Variants in VSNL1 observed in about 807,000 individuals in gnomAD.
The protein encoded by VSNL1 is visinin like 1.
VSNL1 carries 6 observed loss-of-function variants against 20.4 expected under a neutral mutation model. The observed-to-expected ratio is 0.29, with a 90% CI of 0.16 to 0.58. The LOEUF is 0.58. Among genes scored for constraint, VSNL1 ranks in the 20% least tolerant of loss-of-function variants. VSNL1 has a pLI of 0.90. For synonymous variants in VSNL1, 93 were observed against 86.4 expected, an observed-to-expected ratio of 1.08 and a Z score of -0.42; for missense variants, 100 against 234.5, an observed-to-expected ratio of 0.43 and a Z score of 3.75.
intron 1 of VSNL1, among the ~76,000 whole-genome samples, chr2:17,585,252 T>C (rs1664442916): frequency 6.6e-6 from 1 of 152,044 alleles, no homozygotes; most frequent in Non-Finnish European, 1.5e-5. Context: ...CATCATGAAA[T>C]GCCAGCTTGT....
intron 1 of VSNL1, among the ~76,000 whole-genome samples, chr2:17,565,469 G>T (rs952963558): frequency 2.6e-5 from 4 of 151,892 alleles, no homozygotes; most frequent in Non-Finnish European, 4.4e-5. Context: ...TACTTAATAT[G>T]TAGATCTATA....
chr2:17,622,496 T>C (rs1452028730), intron 2 of VSNL1, among the ~76,000 whole-genome samples: 1 of 63,092 alleles, frequency 1.6e-5, no homozygotes, highest in Non-Finnish European at 3.2e-5. Flanking sequence ...AGGCTACATC[T>C]CAAAAAAAAA....
intron 1 of VSNL1, among the ~76,000 whole-genome samples, chr2:17,564,690 A>G (rs1663896612): frequency 6.6e-6 from 1 of 152,230 alleles, no homozygotes; most frequent in South Asian, 2.1e-4. Context: ...GAAACTTTAT[A>G]AAATTATTTT....
intron 1 of VSNL1, among the ~76,000 whole-genome samples, chr2:17,548,091 C>A (rs1558277973): frequency 2.0e-5 from 3 of 152,252 alleles, no homozygotes; most frequent in South Asian, 2.1e-4. Context: ...TGGGAAGAGT[C>A]TCCTATGAGC....
chr2:17,587,908 TTGTAAATTAG>T (rs1235082853), intron 1 of VSNL1, among the ~76,000 whole-genome samples: 1 of 152,192 alleles, frequency 6.6e-6, no homozygotes, highest in Admixed American at 6.5e-5. Flanking sequence ...CAAAAGCCTT[TTGTAAATTAG>T]TGTACAAAAG....
chr2:17,602,197 C>CTT (rs1272309192), intron 2 of VSNL1, among the ~76,000 whole-genome samples: 1 of 152,182 alleles, frequency 6.6e-6, no homozygotes, highest in Non-Finnish European at 1.5e-5. Flanking sequence ...GGGAAGAAGG[C>CTT]TTTCTGTCTT....
chr2:17,620,711 G>A (rs545526834), intron 2 of VSNL1, among the ~76,000 whole-genome samples: 1 of 152,192 alleles, frequency 6.6e-6, no homozygotes. Flanking sequence ...GTCTTTTATC[G>A]AGTGACGCTA....
intron 1 of VSNL1, among the ~76,000 whole-genome samples, chr2:17,562,437 C>A (rs1424573794): frequency 6.6e-6 from 1 of 152,116 alleles, no homozygotes; most frequent in Admixed American, 6.5e-5. Context: ...AAATAAGAAA[C>A]AAAGCTAATA....
chr2:17,585,274 T>C (rs1160381971), intron 1 of VSNL1, among the ~76,000 whole-genome samples: 2 of 151,712 alleles, frequency 1.3e-5, no homozygotes, highest in Non-Finnish European at 2.9e-5. Context: ...GTCCACACCC[T>C]CCCTGCCCGC....
At chr2:17,583,284 C>T (rs1025436147) in intron 1 of VSNL1, among the ~76,000 whole-genome samples, 4 of 152,194 alleles carry the variant, frequency 2.6e-5, no homozygotes, top group African/African-American at 9.7e-5. Flanking sequence ...GCAGGTGAAG[C>T]GGGACACTCC....
intron 1 of VSNL1, among the ~76,000 whole-genome samples, chr2:17,561,703 A>G (rs1572333163): frequency 6.6e-6 from 1 of 152,306 alleles, no homozygotes; most frequent in East Asian, 1.9e-4. Flanking sequence ...TTGATATGGC[A>G]CAAATTCAGA....
intron 2 of VSNL1, among the ~76,000 whole-genome samples, chr2:17,625,427 T>C (rs1665485770): frequency 6.6e-6 from 1 of 152,218 alleles, no homozygotes. Context: ...TTCCTTATAA[T>C]TCCATATAGC....
At chr2:17,632,760 T>G (rs1346532575) in intron 2 of VSNL1, among the ~76,000 whole-genome samples, 1 of 152,272 alleles carries the variant, frequency 6.6e-6, no homozygotes, top group Non-Finnish European at 1.5e-5. Flanking sequence ...AGACACAGCA[T>G]ATTTCCTTCA....
chr2:17,561,830 T>C (rs991131404), intron 1 of VSNL1, among the ~76,000 whole-genome samples: 98 of 152,310 alleles, frequency 6.4e-4, no homozygotes, highest in Middle Eastern at 3.4e-3. Flanking sequence ...TAAATGGTGG[T>C]ATAATTCTTC....
Position 17,590,179 on chromosome 2 carries a change from G to A in VSNL1, c.-5-1891G>A, listed in dbSNP as rs150589710. Among the ~76,000 whole-genome samples, 517 of 152,204 alleles carry A rather than the reference G, an allele frequency of 3.4e-3. 3 individuals are homozygous for A. The highest frequency in any genetic ancestry group is 9.8e-3 in the African/African-American group (405 of 41,538). On this transcript the variant is annotated intron_variant, in intron 1 of 3. Coordinates refer to ENST00000295156, the MANE Select transcript of VSNL1 (RefSeq NM_003385.5). The stretch of plus-strand genomic sequence containing the variant: ...TGTTCCATTAAGTGCCTTCTCCATC[G>A]CCAGCACTCAATATTAAATAGCTAT...
rs1666083072 is a variant in VSNL1, at chr2:17,649,697, C to A, written c.378+72C>A. ...CCCACGGCAGCCTCCTAGGTGCAGG[C>A]CTTAGTGGCTTCTTCTCTCTCTGCT... On this transcript the variant is annotated intron_variant, in intron 3 of 3. Coordinates refer to ENST00000295156, the MANE Select transcript of VSNL1 (RefSeq NM_003385.5). This position sits in a 1 kb window ranked among gnomAD's most constrained non-coding sequence, Gnocchi z 6.4. 2.8e-6 allele frequency: 4 copies of A among 1,431,552 alleles called. No individual in the cohort carries two copies. Among genetic ancestry groups the A allele is most frequent in the Non-Finnish European group, 2.9e-6 (3 of 1,026,884 alleles). 88.7% of individuals were successfully genotyped at this position (1,431,552 alleles called of 1,614,324 possible). A position where few individuals can be genotyped will look rare whatever the true frequency, so the allele number is the denominator to read the frequency against.
chr2:17,628,228 C>G (rs966362205), intron 2 of VSNL1, among the ~76,000 whole-genome samples: 1 of 152,228 alleles, frequency 6.6e-6, no homozygotes, highest in Non-Finnish European at 1.5e-5. Flanking sequence ...CATCTTGGCT[C>G]TTTCTGGATT....
intron 2 of VSNL1, among the ~76,000 whole-genome samples, chr2:17,605,951 G>A (rs541360696): frequency 1.3e-5 from 2 of 152,330 alleles, no homozygotes; most frequent in East Asian, 1.9e-4. Context: ...CTCAGTGTGC[G>A]TCAGGCATTG....
At chr2:17,549,698 C>T (rs181276192) in intron 1 of VSNL1, among the ~76,000 whole-genome samples, 359 of 152,250 alleles carry the variant, frequency 2.4e-3, no homozygotes, top group African/African-American at 8.3e-3. Flanking sequence ...TCCCACTCTT[C>T]GATATTCCCA....
Sources: gnomAD v4.1 joint callset for allele counts (sites outside exome capture counted in the v4.1 genomes callset) on GRCh38, gnomAD v4.1.1 for gene constraint, Gnocchi (gnomAD v3.1) non-coding constraint, MANE v1.5 for transcripts, NCBI Gene and HGNC (gene_info 2026-07-23, HGNC 2026-07-21) for gene names.